Variants in PDCD6IP observed in about 807,000 individuals in gnomAD.
PDCD6IP encodes programmed cell death 6-interacting protein.
PDCD6IP carries 43 observed loss-of-function variants against 103.7 expected under a neutral mutation model. The ratio of observed to expected loss-of-function variants is 0.41; its 90% CI spans 0.32 to 0.53. The LOEUF is 0.53. Among genes scored for constraint, PDCD6IP ranks in the 20% least tolerant of loss-of-function variants. PDCD6IP has a pLI of 0.16. For synonymous variants in PDCD6IP, 354 were observed against 378.7 expected (o/e 0.93, Z 0.76); for missense variants, 871 against 1,036.7 (o/e 0.84, Z 2.20).
chr3:33,866,242 A>G (rs1698061494), intron 17 of PDCD6IP, 109 bp from the exon 18 acceptor site: 4 of 697,950 alleles, frequency 5.7e-6, no homozygotes, highest in Non-Finnish European at 8.9e-6. Flanking sequence ...TCTTTAATAG[A>G]CTAAAAAATA....
chr3:33,842,734 T>C (rs1283484363), intron 10 of PDCD6IP, among the ~76,000 whole-genome samples: 6 of 152,196 alleles, frequency 3.9e-5, no homozygotes, highest in Non-Finnish European at 5.9e-5. Flanking sequence ...TAAAATCTTA[T>C]GCGGTCATGG....
intron 12 of PDCD6IP, among the ~76,000 whole-genome samples, chr3:33,849,335 C>A (rs1697664622): frequency 6.6e-6 from 1 of 152,000 alleles, no homozygotes; most frequent in Non-Finnish European, 1.5e-5. Flanking sequence ...GTGGCTGTTA[C>A]CTCTTTTTCA....
intron 3 of PDCD6IP, among the ~76,000 whole-genome samples, chr3:33,813,830 A>G (rs1696770178): frequency 6.6e-6 from 1 of 152,230 alleles, no homozygotes; most frequent in African/African-American, 2.4e-5. Context: ...CCTAGTTATA[A>G]AAATGAATAA....
intron 12 of PDCD6IP, among the ~76,000 whole-genome samples, chr3:33,849,738 TG>T (rs773566407): frequency 9.8e-5 from 15 of 152,402 alleles, no homozygotes; most frequent in Non-Finnish European, 1.9e-4. Flanking sequence ...CATTCATTTG[TG>T]GAAGCAGTTT....
At chr3:33,840,969 G>A (rs1697454320) in intron 9 of PDCD6IP, among the ~76,000 whole-genome samples, 2 of 151,780 alleles carry the variant, frequency 1.3e-5, no homozygotes, top group Admixed American at 6.6e-5. Flanking sequence ...AGTTTGAACT[G>A]TAAGCCGACG....
intron 17 of PDCD6IP, 74 bp downstream of exon 17, chr3:33,865,504 G>C (rs1230088718): frequency 1.6e-6 from 2 of 1,249,576 alleles, no homozygotes; most frequent in East Asian, 2.8e-5. Context: ...TTAAAAACAG[G>C]GTCATCCCTT....
At chr3:33,844,584 A>C (rs1697548945) in intron 11 of PDCD6IP, among the ~76,000 whole-genome samples, 1 of 152,094 alleles carries the variant, frequency 6.6e-6, no homozygotes, top group Non-Finnish European at 1.5e-5. Flanking sequence ...GGGCTCAGGC[A>C]ATCCTTCTAC....
intron 12 of PDCD6IP, among the ~76,000 whole-genome samples, chr3:33,846,040 A>G (rs1218369056): frequency 1.3e-5 from 2 of 152,204 alleles, no homozygotes; most frequent in African/African-American, 4.8e-5. Context: ...TAGCACCATC[A>G]TGGTATTTCT....
At chr3:33,844,962 A>T (rs533643961) in intron 11 of PDCD6IP, among the ~76,000 whole-genome samples, 4 of 151,986 alleles carry the variant, frequency 2.6e-5, no homozygotes, top group African/African-American at 9.7e-5. Context: ...GATAAATGCT[A>T]TCTTCATGGT....
chr3:33,843,126 C>T lies in PDCD6IP; in HGVS notation c.1360-986C>T, dbSNP rs181303372. ...CTAGTCCCAAGTTCAGGCTTTTGAT[C>T]AGGAATCTCAGATAATACTTCTTGT... is the stretch of plus-strand genomic sequence containing the variant. On this transcript the variant is annotated intron_variant, in intron 10 of 17. Coordinates refer to ENST00000307296, the MANE Select transcript of PDCD6IP (RefSeq NM_013374.6). 2.0e-3 allele frequency among the ~76,000 whole-genome samples: 307 copies of T among 152,264 alleles called. 1 individual carries two copies. The highest frequency in any genetic ancestry group is 5.8e-3 in the African/African-American group (240 of 41,556).
chr3:33,805,896 C>G (rs891165095), intron 1 of PDCD6IP, among the ~76,000 whole-genome samples: 2 of 152,048 alleles, frequency 1.3e-5, no homozygotes, highest in Non-Finnish European at 2.9e-5. Context: ...AGGCGCCCAC[C>G]ACTACGCCCG....
At chr3:33,826,873 A>G in intron 6 of PDCD6IP, 3 of 1,174,072 alleles carry the variant, frequency 2.6e-6, no homozygotes, top group Non-Finnish European at 3.2e-6. Flanking sequence ...AAATCAAGGC[A>G]TTGTGTAGTT....
intron 1 of PDCD6IP, among the ~76,000 whole-genome samples, chr3:33,810,118 A>G (rs1177121190): frequency 1.3e-5 from 2 of 152,250 alleles, no homozygotes; most frequent in East Asian, 1.9e-4. Flanking sequence ...CACACTTTTC[A>G]TTATTTTATC....
rs137864808 is a variant in PDCD6IP, at chr3:33,832,856, C to T, written c.835-3188C>T. On this transcript the variant is annotated intron_variant, in intron 7 of 17. Coordinates refer to ENST00000307296, the MANE Select transcript of PDCD6IP (RefSeq NM_013374.6). ...TAAATTTTGTCATTTTCTGGGTTTT[C>T]CTGACTATTCTTGCATGTGTTTCTT... 1.2e-3 allele frequency among the ~76,000 whole-genome samples: 179 copies of T among 152,032 alleles called. 1 individual carries two copies. Among genetic ancestry groups the T allele is most frequent in the African/African-American group, 4.0e-3 (166 of 41,482 alleles).
chr3:33,842,517 T>C (rs1035570927), intron 10 of PDCD6IP, among the ~76,000 whole-genome samples: 1 of 151,628 alleles, frequency 6.6e-6, no homozygotes, highest in African/African-American at 2.4e-5. Context: ...ATTTATCTTA[T>C]AATTCCAATA....
At chr3:33,805,784 G>A (rs1433543770) in intron 1 of PDCD6IP, among the ~76,000 whole-genome samples, 2 of 150,394 alleles carry the variant, frequency 1.3e-5, no homozygotes, top group South Asian at 4.2e-4. Flanking sequence ...TCACTCGGTC[G>A]CCCAGGCTAG....
At chr3:33,808,735 T>A (rs760661698) in intron 1 of PDCD6IP, among the ~76,000 whole-genome samples, 1 of 152,234 alleles carries the variant, frequency 6.6e-6, no homozygotes, top group Non-Finnish European at 1.5e-5. Flanking sequence ...TCATGGTGAC[T>A]GTATGAAAAT....
chr3:33,809,787 C>T (rs141330645), intron 1 of PDCD6IP, among the ~76,000 whole-genome samples: 26 of 152,270 alleles, frequency 1.7e-4, no homozygotes, highest in Admixed American at 9.2e-4. Flanking sequence ...CAGTTTTTCT[C>T]GTCTTTCATG....
intron 6 of PDCD6IP, among the ~76,000 whole-genome samples, chr3:33,828,150 T>G (rs1293684122): frequency 4.6e-5 from 7 of 152,178 alleles, no homozygotes; most frequent in African/African-American, 1.7e-4. Flanking sequence ...CTTTTGAAAT[T>G]AATTTTGACT....
Sources: allele counts gnomAD v4.1 joint callset (sites outside exome capture counted in the v4.1 genomes callset), GRCh38; gene constraint gnomAD v4.1.1; transcripts MANE v1.5; gene names NCBI Gene and HGNC (gene_info 2026-07-23, HGNC 2026-07-21).